Variants in MALRD1 observed in about 807,000 individuals in gnomAD.
MALRD1 encodes the protein MAM and LDL-receptor class A domain-containing protein 1.
Under a neutral mutation model 242.1 loss-of-function variants are expected in MALRD1, and 247 were observed. That is an observed-to-expected ratio of 1.02 (90% CI 0.92 to 1.13). The LOEUF is 1.13. Ranked by LOEUF, MALRD1 falls within the 50% of genes most tolerant of loss-of-function variation. The pLI is 0.00. For missense variants in MALRD1, 2,989 were observed against 2,533.1 expected, an observed-to-expected ratio of 1.18 and a Z score of -3.86; for synonymous variants, 995 against 866.6, an observed-to-expected ratio of 1.15 and a Z score of -2.60.
At chr10:19,304,818 T>C (rs941179430) in intron 21 of MALRD1, among the ~76,000 whole-genome samples, 1 of 151,798 alleles carries the variant, frequency 6.6e-6, no homozygotes, top group Non-Finnish European at 1.5e-5. Flanking sequence ...GTTCATCACA[T>C]TGTGATATCA....
At chr10:19,628,757 T>C (rs949317548) in intron 36 of MALRD1, among the ~76,000 whole-genome samples, 3 of 152,198 alleles carry the variant, frequency 2.0e-5, no homozygotes, top group Non-Finnish European at 4.4e-5. Flanking sequence ...TGTTGCTAAT[T>C]TTTCAGGTAA....
chr10:19,364,529 T>C (rs1014296063), intron 26 of MALRD1, among the ~76,000 whole-genome samples: 9 of 152,176 alleles, frequency 5.9e-5, no homozygotes, highest in African/African-American at 2.2e-4. Context: ...TACAGAATTA[T>C]TGGCATTATC....
At chr10:19,152,734 GCTTT>G (rs918946253) in intron 11 of MALRD1, among the ~76,000 whole-genome samples, 8 of 151,332 alleles carry the variant, frequency 5.3e-5, no homozygotes, top group African/African-American at 1.5e-4. Context: ...GAATACTTTG[GCTTT>G]CTATTTTTAC....
At chr10:19,064,247 A>G (rs1296833732) in intron 1 of MALRD1, among the ~76,000 whole-genome samples, 2 of 152,142 alleles carry the variant, frequency 1.3e-5, no homozygotes, top group African/African-American at 4.8e-5. Flanking sequence ...TGTTCATTAT[A>G]TTGTCCAACT....
intron 24 of MALRD1, among the ~76,000 whole-genome samples, chr10:19,344,961 G>GGTGTC (rs1473932303): frequency 6.6e-6 from 1 of 152,054 alleles, no homozygotes; most frequent in Non-Finnish European, 1.5e-5. Context: ...TGATGGCACA[G>GGTGTC]GTGTCTGATA....
intron 32 of MALRD1, among the ~76,000 whole-genome samples, chr10:19,560,723 A>G (rs531417895): frequency 6.6e-6 from 1 of 152,350 alleles, no homozygotes; most frequent in Admixed American, 6.5e-5. Flanking sequence ...CAGAAAACCA[A>G]ACAGCACATG....
intron 38 of MALRD1, among the ~76,000 whole-genome samples, chr10:19,714,057 T>C (rs1834265732): frequency 6.6e-6 from 1 of 152,098 alleles, no homozygotes; most frequent in African/African-American, 2.4e-5. Flanking sequence ...GGGCGTGTGT[T>C]ATAGTGTGCT....
chr10:19,123,470 T>C lies in MALRD1; in HGVS notation c.695-22T>C, dbSNP rs916242562. On this transcript the variant is annotated intron_variant, in intron 5 of 39. Coordinates refer to ENST00000454679, the MANE Select transcript of MALRD1 (RefSeq NM_001142308.3). ...CCAGTTGCACCTGCATTTCACTTCT[T>C]GCCAATCTTTAAATTTAACAGATGG... 5 of 1,215,714 alleles carry C rather than the reference T, an allele frequency of 4.1e-6. No individual in the cohort carries two copies. In the African/African-American group the frequency reaches 7.8e-5, roughly 19 times the overall value. The allele number at this position is 1,215,714 out of a possible 1,614,324, so 75.3% of individuals were successfully genotyped here.
At chr10:19,306,104 AG>A (rs1485078777) in intron 21 of MALRD1, among the ~76,000 whole-genome samples, 61 of 112,998 alleles carry the variant, frequency 5.4e-4, no homozygotes, top group East Asian at 1.5e-3. Context: ...TATACTAGAT[AG>A]TATATATATA....
intron 33 of MALRD1, among the ~76,000 whole-genome samples, chr10:19,592,728 GACACACACACACAC>G (rs71949886): frequency 1.6e-5 from 2 of 123,828 alleles, no homozygotes; most frequent in African/African-American, 2.9e-5. Flanking sequence ...AAAATATAAA[GACACACACACACAC>G]ACACACACAC....
chr10:19,619,207 C>T (rs1839298856), intron 36 of MALRD1, among the ~76,000 whole-genome samples: 1 of 151,648 alleles, frequency 6.6e-6, no homozygotes, highest in Admixed American at 6.6e-5. Context: ...TGTTTGTTAA[C>T]CTATTTGCCC....
intron 28 of MALRD1, among the ~76,000 whole-genome samples, chr10:19,408,278 C>T (rs1833122286): frequency 6.6e-6 from 1 of 152,142 alleles, no homozygotes; most frequent in African/African-American, 2.4e-5. Context: ...GCGACAGGTG[C>T]ATCTGTAGGT....
At chr10:19,622,755 T>G (rs1364412775) in intron 36 of MALRD1, among the ~76,000 whole-genome samples, 1 of 151,584 alleles carries the variant, frequency 6.6e-6, no homozygotes, top group Non-Finnish European at 1.5e-5. Flanking sequence ...CCAATATCAA[T>G]AGAATAAAGC....
chr10:19,552,380 T>C (rs1213647942), intron 32 of MALRD1, among the ~76,000 whole-genome samples: 1 of 152,184 alleles, frequency 6.6e-6, no homozygotes, highest in African/African-American at 2.4e-5. Context: ...TAATATTCTC[T>C]GATGGTTGTT....
intron 32 of MALRD1, among the ~76,000 whole-genome samples, chr10:19,554,617 C>A (rs899097752): frequency 6.6e-6 from 1 of 152,086 alleles, no homozygotes; most frequent in African/African-American, 2.4e-5. Flanking sequence ...TTGTTCAGCT[C>A]CCACTTATGA....
At chr10:19,488,503 T>A (rs1187461577) in intron 29 of MALRD1, 1 of 153,096 alleles carries the variant, frequency 6.5e-6, no homozygotes, top group East Asian at 1.9e-4. Context: ...AAGACAAAAG[T>A]AGAGAGAGAG....
chr10:19,169,100 A>G (rs913290435), intron 13 of MALRD1, among the ~76,000 whole-genome samples: 13 of 152,194 alleles, frequency 8.5e-5, no homozygotes, highest in Non-Finnish European at 1.6e-4. Context: ...GGCAAAACCC[A>G]AGCTGCCCTG....
chr10:19,474,992 A>G (rs930362394), intron 29 of MALRD1, among the ~76,000 whole-genome samples: 1 of 152,230 alleles, frequency 6.6e-6, no homozygotes. Context: ...GTACCGCTTC[A>G]TATAGGAAGT....
intron 12 of MALRD1, among the ~76,000 whole-genome samples, chr10:19,157,557 T>C (rs1432404319): frequency 1.3e-5 from 2 of 152,130 alleles, no homozygotes; most frequent in Non-Finnish European, 2.9e-5. Flanking sequence ...GATATTTTCT[T>C]ACATAAAAGT....
Sources: gnomAD v4.1 joint callset for allele counts (sites outside exome capture counted in the v4.1 genomes callset) on GRCh38, gnomAD v4.1.1 for gene constraint, MANE v1.5 for transcripts, NCBI Gene and HGNC (gene_info 2026-07-23, HGNC 2026-07-21) for gene names.